The following ATP13A4 variants were observed in gnomAD, a reference collection of about 807,000 sequenced individuals.
ATP13A4 encodes the protein probable cation-transporting ATPase 13A4.
A neutral mutation model predicts 142.5 loss-of-function variants in ATP13A4; 114 were observed. That is an observed-to-expected ratio of 0.80 (90% CI 0.69 to 0.93). ATP13A4 has a LOEUF of 0.93. ATP13A4 is among the 40% of genes least tolerant of loss of function. The pLI, the probability that ATP13A4 is intolerant of heterozygous loss-of-function variation, is 0.00. For missense variants in ATP13A4, 1,392 were observed against 1,454.0 expected (o/e 0.96, Z 0.69); for synonymous variants, 488 against 514.8 (o/e 0.95, Z 0.70).
At chr3:193,440,950 T>C (rs1051283656) in intron 20 of ATP13A4, among the ~76,000 whole-genome samples, 7 of 152,122 alleles carry the variant, frequency 4.6e-5, no homozygotes, top group African/African-American at 1.7e-4. Context: ...TAATGGAACC[T>C]TGAACTGCAA....
intron 25 of ATP13A4, among the ~76,000 whole-genome samples, chr3:193,424,553 G>C (rs7632358): frequency 6.7e-6 from 1 of 149,206 alleles, no homozygotes; most frequent in Non-Finnish European, 1.5e-5. Flanking sequence ...TTTCACAAAG[G>C]TGCAAAGAAC....
rs777171655 is a variant in ATP13A4, at chr3:193,466,065, A to G, written c.1232T>C (p.Ile411Thr). ...FLLCLVGTAT[I>T]GMIYTLCVYV... The stretch of plus-strand genomic sequence containing the variant: ...GACACACAGAGTATAGATCATCCCA[A>G]TGGTGGCTGTTCCTACAAGGCACAG... Residue 411 changes from isoleucine (I) to threonine (T), a missense_variant, in exon 11 of 30, where the codon ATT becomes ACT. Transcript: ENST00000342695. 15 of 1,614,164 alleles carry G rather than the reference A, an allele frequency of 9.3e-6. No homozygotes were observed. The highest frequency in any genetic ancestry group is 1.7e-4 in the Middle Eastern group (1 of 6,060).
intron 23 of ATP13A4, among the ~76,000 whole-genome samples, chr3:193,437,153 T>C (rs1278276309): frequency 6.7e-6 from 1 of 150,198 alleles, no homozygotes; most frequent in Non-Finnish European, 1.5e-5. Flanking sequence ...TTTTTCTGTA[T>C]CAGAGTTTTG....
chr3:193,414,140 TC>T (rs1345820441), intron 26 of ATP13A4, among the ~76,000 whole-genome samples: 2 of 152,046 alleles, frequency 1.3e-5, no homozygotes, highest in Non-Finnish European at 2.9e-5. Context: ...GGGGGCAGGT[TC>T]CCCCGATAAA....
rs778053692 is a variant in ATP13A4, at chr3:193,459,168, C to A, written c.1587G>T (p.Ala529=). 1.2e-6 allele frequency: 2 copies of A among 1,614,100 alleles called. No individual in the cohort carries two copies. Among genetic ancestry groups the A allele is most frequent in the Non-Finnish European group, 1.7e-6 (2 of 1,180,042 alleles). ...QALPWGPLCA[A]MASCHSLILL... is the part of the protein sequence containing the mutation. ...GGATCAGAGAGTGGCAGCTGGCCAT[C>A]GCTGCACACAGTGGGCCCCATGGCA... is the stretch of plus-strand genomic sequence containing the variant. The change falls in exon 14 of 30, where the codon GCG becomes GCT. Residue 529 remains alanine, a synonymous_variant. Transcript: ENST00000342695.
In ATP13A4 at chr3:193,477,606, C is replaced by T. The variant is rs192137767; in HGVS notation, c.808+6330G>A. On this transcript the variant is annotated intron_variant, in intron 8 of 29. Coordinates refer to ENST00000342695, the MANE Select transcript of ATP13A4 (RefSeq NM_032279.4). ...GTTATAGACACTGAACATCAAACAA[C>T]GAAAGAGATGGGAAACAAATAAAGG... Among the ~76,000 whole-genome samples the T allele has an allele frequency of 4.2e-4, 64 of 152,106 alleles. 1 individual carries two copies. The highest frequency in any genetic ancestry group is 1.5e-3 in the African/African-American group (61 of 41,438).
At chr3:193,497,814 A>G (rs902980572) in intron 3 of ATP13A4, among the ~76,000 whole-genome samples, 14 of 152,202 alleles carry the variant, frequency 9.2e-5, no homozygotes, top group African/African-American at 3.1e-4. Context: ...TAAACAAGAC[A>G]CAATAAGGCA....
Position 193,446,557 on chromosome 3 carries a change from G to A in ATP13A4, c.2152+1649C>T, listed in dbSNP as rs143688372. 5.7e-3 allele frequency among the ~76,000 whole-genome samples: 873 copies of A among 152,282 alleles called. 13 individuals are homozygous for A. Among genetic ancestry groups the A allele is most frequent in the African/African-American group, 0.019 (792 of 41,560 alleles). Reference sequence around the variant, plus strand: ...TTAAGTTATTGTCACAAGGGGTTGCGTATTTGGTGATTCAGTTATATAAAC... The same window carrying A: ...TTAAGTTATTGTCACAAGGGGTTGCATATTTGGTGATTCAGTTATATAAAC... On this transcript the variant is annotated intron_variant, in intron 18 of 29. Transcript: ENST00000342695.
chr3:193,528,636 T>G (rs917857086), intron 1 of ATP13A4, among the ~76,000 whole-genome samples: 3 of 152,206 alleles, frequency 2.0e-5, no homozygotes, highest in Admixed American at 2.0e-4. Context: ...ATTCGAGACA[T>G]TAAATGCTGG....
At chr3:193,416,865 G>T (rs937849122) in intron 25 of ATP13A4, 1 of 152,052 alleles carries the variant, frequency 6.6e-6, no homozygotes, top group Non-Finnish European at 1.5e-5. Flanking sequence ...TATCCAAGAA[G>T]TACAAGTAAT....
chr3:193,492,066 T>C (rs1220370255), intron 5 of ATP13A4, among the ~76,000 whole-genome samples: 2 of 152,230 alleles, frequency 1.3e-5, no homozygotes, highest in African/African-American at 2.4e-5. Context: ...TGGTCAAATG[T>C]ATGAGAGCAG....
chr3:193,455,340 CAAAAAAAAAAAAA>C (rs71179306), intron 16 of ATP13A4, among the ~76,000 whole-genome samples: 3 of 75,606 alleles, frequency 4.0e-5, no homozygotes, highest in Non-Finnish European at 7.6e-5. Context: ...GACTCCGTCT[CAAAAAAAAAAAAA>C]AAAAAAAAAA....
intron 23 of ATP13A4, among the ~76,000 whole-genome samples, chr3:193,437,639 G>C (rs1028502974): frequency 2.0e-5 from 3 of 152,006 alleles, no homozygotes; most frequent in African/African-American, 7.3e-5. Context: ...AGGCTGTTTT[G>C]AAGTGTGAGA....
intron 26 of ATP13A4, among the ~76,000 whole-genome samples, chr3:193,413,131 G>A (rs988314772): frequency 2.6e-5 from 4 of 152,100 alleles, no homozygotes; most frequent in African/African-American, 9.7e-5. Flanking sequence ...ATTTTAATAT[G>A]GACATTTATC....
chr3:193,573,290 C>CTTATATATATATAT (rs1279066051), intron 2 of ATP13A4, among the ~76,000 whole-genome samples: 3 of 109,960 alleles, frequency 2.7e-5, no homozygotes, highest in East Asian at 2.3e-4. Flanking sequence ...TATATATATA[C>CTTATATATATATAT]ACATATATAT....
chr3:193,412,609 T>A (rs1422813063), intron 26 of ATP13A4, among the ~76,000 whole-genome samples: 4 of 147,294 alleles, frequency 2.7e-5, no homozygotes, highest in African/African-American at 1.0e-4. Context: ...TTTGGATACA[T>A]TGAGAGAGAG....
chr3:193,514,394 C>T (rs1721294983), intron 2 of ATP13A4, among the ~76,000 whole-genome samples: 1 of 152,152 alleles, frequency 6.6e-6, no homozygotes, highest in South Asian at 2.1e-4. Context: ...CCATCCATGT[C>T]CTGAAAAGGA....
Position 193,454,169 on chromosome 3 carries a change from C to T in ATP13A4, c.1959G>A (p.Gln653=). 6.2e-7 allele frequency: 1 copy of T among 1,614,118 alleles called. No individual in the cohort carries two copies. ...AGGCCAGTGCTATGACTCGGAAGCC[C>T]TGTGTCGTGTAAATCTGAAGTTCGC... ...FVSELQIYTT[Q]GFRVIALAYK... is the part of the protein sequence containing the mutation. The change falls in exon 17 of 30, where the codon CAG becomes CAA. Residue 653 remains glutamine (Q), a synonymous_variant. Transcript: ENST00000342695.
intron 13 of ATP13A4, 21 bp downstream of exon 13, chr3:193,462,741 C>T: frequency 1.2e-6 from 2 of 1,607,380 alleles, no homozygotes; most frequent in Non-Finnish European, 1.7e-6. Flanking sequence ...TGCATTTAGT[C>T]CAAGAGTCCA....
Sources: allele counts gnomAD v4.1 joint callset (sites outside exome capture counted in the v4.1 genomes callset), GRCh38; gene constraint gnomAD v4.1.1; transcripts MANE v1.5; gene names NCBI Gene and HGNC (gene_info 2026-07-23, HGNC 2026-07-21).